The following PARP11 variants were observed in gnomAD, a reference collection of about 807,000 sequenced individuals.
The protein encoded by PARP11 is protein mono-ADP-ribosyltransferase PARP11.
Under a neutral mutation model 42.9 loss-of-function variants are expected in PARP11, and 31 were observed. That is an observed-to-expected ratio of 0.72 (90% confidence interval 0.54 to 0.98). PARP11 has a LOEUF of 0.98. PARP11 is among the 50% of genes least tolerant of loss of function. PARP11 has a pLI of 0.00. For missense variants in PARP11, 365 were observed against 413.1 expected (o/e 0.88, Z 1.01); for synonymous variants, 137 against 127.3 (o/e 1.08, Z -0.51).
intron 6 of PARP11, among the ~76,000 whole-genome samples, chr12:3,818,646 C>A (rs1026122391): frequency 1.3e-5 from 2 of 152,226 alleles, no homozygotes; most frequent in East Asian, 3.8e-4. Flanking sequence ...AAGTTGTCAA[C>A]ATTTGCTGTA....
In PARP11 at chr12:3,811,787, C is replaced by T; in HGVS notation, c.*336G>A. 4.5e-6 allele frequency: 1 copy of T among 223,460 alleles called. No homozygotes were observed. Among genetic ancestry groups the T allele is most frequent in the Non-Finnish European group, 8.6e-6 (1 of 116,078 alleles). 13.8% of individuals were successfully genotyped at this position (223,460 alleles called of 1,614,324 possible). ...CGAATAAGTCTATTTAAACTAAAAT[C>T]ATTTATCCTGATAACACACACGTAA... On this transcript the variant is annotated 3_prime_UTR_variant, in exon 8 of 8. Coordinates refer to ENST00000228820, the MANE Select transcript of PARP11 (RefSeq NM_020367.6).
At chr12:3,813,021 T>A (rs1947216013) in intron 7 of PARP11, among the ~76,000 whole-genome samples, 1 of 152,142 alleles carries the variant, frequency 6.6e-6, no homozygotes, top group Non-Finnish European at 1.5e-5. Context: ...GCCAGGCTGA[T>A]CTTGAACTCT....
At chr12:3,836,252 T>C (rs1187634224) in intron 1 of PARP11, among the ~76,000 whole-genome samples, 1 of 151,886 alleles carries the variant, frequency 6.6e-6, no homozygotes, top group African/African-American at 2.4e-5. Flanking sequence ...CTAATGAGAT[T>C]AACAGCTGAC....
At chr12:3,821,776 T>G (rs529640543) in intron 6 of PARP11, 97 bp downstream of exon 6, 4 of 1,283,738 alleles carry the variant, frequency 3.1e-6, no homozygotes, top group Non-Finnish European at 3.3e-6. Context: ...AAAAACAGCA[T>G]GTCTACACCA....
chr12:3,842,662 C>T, intron 1 of PARP11: 1 of 621,934 alleles, frequency 1.6e-6, no homozygotes, highest in East Asian at 2.7e-5. Flanking sequence ...CTCGACAAGA[C>T]ATTGTGGACA....
chr12:3,859,162 G>A (rs569502781), intron 1 of PARP11, among the ~76,000 whole-genome samples: 1 of 151,644 alleles, frequency 6.6e-6, no homozygotes, highest in South Asian at 2.1e-4. Context: ...AGGCATATAT[G>A]AAACAAATAA....
intron 1 of PARP11, among the ~76,000 whole-genome samples, chr12:3,846,166 G>A (rs1947989734): frequency 6.6e-6 from 1 of 151,764 alleles, no homozygotes; most frequent in Non-Finnish European, 1.5e-5. Flanking sequence ...TCTATGTTCT[G>A]TTTTGTAGCC....
intron 1 of PARP11, among the ~76,000 whole-genome samples, chr12:3,843,404 G>C (rs1384479598): frequency 6.6e-6 from 1 of 152,228 alleles, no homozygotes; most frequent in African/African-American, 2.4e-5. Context: ...TAAATATTTT[G>C]TGAGAAGAAA....
chr12:3,857,298 C>A (rs944342123), intron 1 of PARP11, among the ~76,000 whole-genome samples: 1 of 151,828 alleles, frequency 6.6e-6, no homozygotes, highest in African/African-American at 2.4e-5. Flanking sequence ...AAAAAAGATA[C>A]AGCATTAAAT....
In PARP11 at chr12:3,829,950, C is replaced by T. The variant is rs144824076; in HGVS notation, c.87G>A (p.Thr29=). 139 of 1,613,622 alleles carry T rather than the reference C, an allele frequency of 8.6e-5. No homozygotes were observed. Among genetic ancestry groups the T allele is most frequent in the Admixed American group, 2.0e-4 (12 of 60,004 alleles). The change falls in exon 2 of 8, where the codon ACG becomes ACA. Residue 29 remains threonine, a synonymous_variant. Transcript: ENST00000228820. ...TTNNEVDDMD[T]SDTQWGWFYL... ...AAAACCAGCCCCACTGGGTATCTGA[C>T]GTGTCCATGTCATCCACTTCATTGT...
intron 1 of PARP11, chr12:3,832,198 TG>T (rs1947656434): frequency 1.6e-6 from 1 of 623,220 alleles, no homozygotes; most frequent in African/African-American, 2.0e-5. Context: ...TCGCTTTGGG[TG>T]GGACAGGTAC....
At chr12:3,863,020 G>T (rs928287995) in intron 1 of PARP11, among the ~76,000 whole-genome samples, 5 of 151,988 alleles carry the variant, frequency 3.3e-5, no homozygotes, top group African/African-American at 1.2e-4. Context: ...TATATCTTTC[G>T]ACTTATTTAG....
intron 1 of PARP11, 32 bp downstream of exon 1, chr12:3,873,180 C>CG: frequency 6.5e-7 from 1 of 1,530,454 alleles, no homozygotes; most frequent in Non-Finnish European, 8.9e-7. Context: ...ACCCCGCCCC[C>CG]TGGGCCCGCC....
intron 1 of PARP11, chr12:3,841,654 G>A: frequency 6.2e-7 from 1 of 1,613,602 alleles, no homozygotes; most frequent in East Asian, 2.2e-5. Context: ...TGCTGATTAT[G>A]AAGAGTCACT....
At chr12:3,864,919 C>T (rs2138125813) in intron 1 of PARP11, among the ~76,000 whole-genome samples, 1 of 152,108 alleles carries the variant, frequency 6.6e-6, no homozygotes, top group South Asian at 2.1e-4. Context: ...CCTTTATTTC[C>T]TTGCTCCTGT....
Position 3,830,038 on chromosome 12 carries a change from T to C in PARP11, c.19-20A>G. The C allele has an allele frequency of 6.2e-7, 1 of 1,609,820 alleles. No homozygotes were observed. Among genetic ancestry groups the C allele is most frequent in the Non-Finnish European group, 8.5e-7 (1 of 1,176,492 alleles). On this transcript the variant is annotated intron_variant, in intron 1 of 7. Coordinates refer to ENST00000228820, the MANE Select transcript of PARP11 (RefSeq NM_020367.6). ...CATCTCCTGAAAAGCCAGAAGGAGG[T>C]GGAGGAAGAAATAATTCTATTAATA...
intron 1 of PARP11, among the ~76,000 whole-genome samples, chr12:3,872,113 G>T (rs775223154): frequency 1.3e-5 from 2 of 152,062 alleles, no homozygotes; most frequent in Non-Finnish European, 2.9e-5. Flanking sequence ...ATTCCAGAAG[G>T]GACCTTCCTC....
At chr12:3,872,544 G>C in intron 1 of PARP11, 1 of 985,374 alleles carries the variant, frequency 1.0e-6, no homozygotes, top group Non-Finnish European at 1.2e-6. Context: ...CAGACTTGCA[G>C]TTGAAATGCT....
intron 1 of PARP11, among the ~76,000 whole-genome samples, chr12:3,859,077 G>A (rs10774175): frequency 0.11 from 15,389 of 146,126 alleles, 1,244 homozygotes; most frequent in East Asian, 0.43. Flanking sequence ...GAGCCTGGGC[G>A]ACAGAGCAAG....
Sources: allele counts gnomAD v4.1 joint callset (sites outside exome capture counted in the v4.1 genomes callset), GRCh38; gene constraint gnomAD v4.1.1; transcripts MANE v1.5; gene names NCBI Gene and HGNC (gene_info 2026-07-23, HGNC 2026-07-21).